The following DNAJB13 variants were observed in gnomAD, a reference collection of about 807,000 sequenced individuals.
DNAJB13 encodes the protein dnaJ homolog subfamily B member 13.
Under a neutral mutation model 35.6 loss-of-function variants are expected in DNAJB13, and 22 were observed. The ratio of observed to expected loss-of-function variants is 0.62; its 90% CI spans 0.44 to 0.88. The LOEUF is 0.88. Ranked by LOEUF, DNAJB13 falls within the 40% of genes least tolerant of loss-of-function variation. The probability of loss-of-function intolerance (pLI) is 0.00; values close to 1 mark genes in which losing one functional copy is unlikely to be tolerated. For missense variants in DNAJB13, 370 were observed against 384.3 expected, an observed-to-expected ratio of 0.96 and a Z score of 0.31; for synonymous variants, 136 against 144.2, an observed-to-expected ratio of 0.94 and a Z score of 0.41.
At chr11:73,968,008 G>A (rs1951167956) in intron 5 of DNAJB13, 2 of 455,516 alleles carry the variant, frequency 4.4e-6, no homozygotes, top group African/African-American at 3.9e-5. Flanking sequence ...CATGCCTGGA[G>A]TTACTAGCAA....
chr11:73,954,635 A>ATT (rs1565167379), intron 1 of DNAJB13, among the ~76,000 whole-genome samples: 9 of 133,134 alleles, frequency 6.8e-5, no homozygotes, highest in African/African-American at 2.4e-4. Context: ...GTCTCAAAAA[A>ATT]AAAAAATAAA....
chr11:73,951,203 A>G (rs934050566), intron 1 of DNAJB13, 66 bp downstream of exon 1: 2 of 1,591,612 alleles, frequency 1.3e-6, no homozygotes, highest in Non-Finnish European at 1.7e-6. Flanking sequence ...TTCTCTTCCA[A>G]AACGAGCTTT....
chr11:73,967,797 C>T lies in DNAJB13; in HGVS notation c.607-548C>T, dbSNP rs377465102. The T allele has an allele frequency of 2.4e-3, 393 of 161,720 alleles. 4 individuals are homozygous for T. The highest frequency in any genetic ancestry group is 9.1e-3 in the African/African-American group (383 of 41,896). The allele number at this position is 161,720 out of a possible 1,614,324, so 10.0% of individuals were successfully genotyped here. ...ATAAAACATCTACTTCGAATAAACA[C>T]GCTTCAAAACCCAGCTCCAGTGTTC... On this transcript the variant is annotated intron_variant, in intron 5 of 7. Transcript: ENST00000339764.
At position 73,969,739 on chromosome 11, in the gene DNAJB13, A is replaced by G. The variant is rs560457215; in HGVS notation, c.798-222A>G. On this transcript the variant is annotated intron_variant, in intron 7 of 7. Transcript: ENST00000339764. Reference sequence around the variant, plus strand: ...TGCTCACCTTTACTTCCCGTTTCCCATGTCTTAAACAAAGTTTCTGGAATC... The same window carrying G: ...TGCTCACCTTTACTTCCCGTTTCCCGTGTCTTAAACAAAGTTTCTGGAATC... 2.0e-5 allele frequency among the ~76,000 whole-genome samples: 3 copies of G among 146,636 alleles called. No individual in the cohort carries two copies. The East Asian group carries it at 6.4e-4, about 31-fold the overall frequency.
chr11:73,966,312 G>A, intron 5 of DNAJB13, 61 bp downstream of exon 5: 1 of 1,494,330 alleles, frequency 6.7e-7, no homozygotes, highest in Non-Finnish European at 9.2e-7. Context: ...GAAGACTGAG[G>A]AGGAAAGGAA....
In DNAJB13 at chr11:73,967,901, G is replaced by A. The variant is rs961612986; in HGVS notation, c.607-444G>A. The A allele has an allele frequency of 1.2e-4, 29 of 232,880 alleles. No individual in the cohort carries two copies. The Admixed American group carries it at 1.6e-3, about 12-fold the overall frequency. The allele number at this position is 232,880 out of a possible 1,614,324, so 14.4% of individuals were successfully genotyped here. On this transcript the variant is annotated intron_variant, in intron 5 of 7. Transcript: ENST00000339764. ...GTCTTGAGCGTGCTGAGGATTCACT[G>A]TCAGTGTTAGGGGCCAGTCTGATTC...
intron 1 of DNAJB13, among the ~76,000 whole-genome samples, chr11:73,954,457 C>T (rs557073160): frequency 4.2e-4 from 63 of 151,158 alleles, no homozygotes; most frequent in South Asian, 2.1e-3. Context: ...GGTGAAACCC[C>T]GTCTCTACTA....
At chr11:73,957,502 C>T (rs1403345775) in intron 1 of DNAJB13, among the ~76,000 whole-genome samples, 2 of 152,206 alleles carry the variant, frequency 1.3e-5, no homozygotes, top group African/African-American at 2.4e-5. Flanking sequence ...TATTCTCAGA[C>T]GCTGCGATGT....
intron 3 of DNAJB13, among the ~76,000 whole-genome samples, chr11:73,960,335 C>A (rs996783839): frequency 1.3e-5 from 2 of 152,142 alleles, no homozygotes; most frequent in Admixed American, 6.5e-5. Flanking sequence ...CCCACCACCA[C>A]ACCCAGCTAA....
At chr11:73,951,731 C>T (rs1251228501) in intron 1 of DNAJB13, among the ~76,000 whole-genome samples, 2 of 152,192 alleles carry the variant, frequency 1.3e-5, no homozygotes, top group Non-Finnish European at 2.9e-5. Context: ...ACCGCAACCT[C>T]CACCTCCTGG....
In DNAJB13 at chr11:73,968,444, A is replaced by G; in HGVS notation, c.706A>G (p.Ile236Val). Residue 236 changes from isoleucine (I) to valine (V), a missense_variant, in exon 6 of 8, where the codon ATC becomes GTC. Physicochemically the swap from Ile to Val is conservative, Grantham distance 29. Transcript: ENST00000339764. ...TGACAACCTCTTCTTCGTGAACCCC[A>G]TCCCTCTTGGCAAGGTGAGTGGGCA... is the stretch of plus-strand genomic sequence containing the variant. The part of the protein sequence containing the change: ...ENDNLFFVNP[I>V]PLGKALTCCT... The G allele has an allele frequency of 1.2e-6, 2 of 1,613,780 alleles. No homozygotes were observed. The highest frequency in any genetic ancestry group is 1.7e-6 in the Non-Finnish European group (2 of 1,179,808).
intron 5 of DNAJB13, chr11:73,968,029 T>C (rs114393160): frequency 1.0e-4 from 50 of 490,756 alleles, no homozygotes; most frequent in South Asian, 6.2e-4. Flanking sequence ...GACAGAGACA[T>C]ACGGGCAGTT....
intron 1 of DNAJB13, among the ~76,000 whole-genome samples, chr11:73,957,299 G>A (rs1225741625): frequency 6.6e-6 from 1 of 152,206 alleles, no homozygotes; most frequent in Non-Finnish European, 1.5e-5. Context: ...GAAGGTCACA[G>A]CTCCGCTGAG....
intron 3 of DNAJB13, 118 bp downstream of exon 3, chr11:73,959,773 T>G: frequency 9.2e-7 from 1 of 1,092,716 alleles, no homozygotes; most frequent in Non-Finnish European, 1.2e-6. Flanking sequence ...ATTTACTTAT[T>G]TTTTTTGGAG....
At chr11:73,957,205 T>C (rs942878385) in intron 1 of DNAJB13, among the ~76,000 whole-genome samples, 1 of 152,120 alleles carries the variant, frequency 6.6e-6, no homozygotes, top group South Asian at 2.1e-4. Context: ...GGCGGGGAGA[T>C]GGGGAGGGAG....
intron 3 of DNAJB13, chr11:73,963,777 C>T (rs1438443703): frequency 6.6e-6 from 1 of 152,174 alleles, no homozygotes; most frequent in Non-Finnish European, 1.5e-5. Context: ...ACCATTCTAG[C>T]CTGTGAAGTT....
intron 6 of DNAJB13, among the ~76,000 whole-genome samples, chr11:73,968,786 CCTG>C (rs1951198256): frequency 6.6e-6 from 1 of 152,138 alleles, no homozygotes; most frequent in Non-Finnish European, 1.5e-5. Context: ...CGATCTGCTC[CCTG>C]CTTACTCCTT....
chr11:73,956,979 G>A (rs564098948), intron 1 of DNAJB13, among the ~76,000 whole-genome samples: 1 of 152,262 alleles, frequency 6.6e-6, no homozygotes, highest in African/African-American at 2.4e-5. Flanking sequence ...AAGAGAAGCT[G>A]TGGAACTCTG....
At chr11:73,968,186 C>T in intron 5 of DNAJB13, 159 bp from the exon 6 acceptor site, 1 of 650,298 alleles carries the variant, frequency 1.5e-6, no homozygotes, top group South Asian at 1.8e-5. Flanking sequence ...GCTTCTAATC[C>T]ATCTGGGCTA....
Sources: allele counts gnomAD v4.1 joint callset (sites outside exome capture counted in the v4.1 genomes callset), GRCh38; gene constraint gnomAD v4.1.1; transcripts MANE v1.5; gene names NCBI Gene and HGNC (gene_info 2026-07-23, HGNC 2026-07-21).